DISP1: variants seen among roughly 807,000 people sequenced by gnomAD.
The protein encoded by DISP1 is protein dispatched homolog 1.
DISP1 carries 30 observed loss-of-function variants against 37.3 expected under a neutral mutation model. That is an observed-to-expected ratio of 0.80 (90% CI 0.60 to 1.09). The LOEUF is 1.09. Ranked by LOEUF, DISP1 falls within the 50% of genes least tolerant of loss-of-function variation. DISP1 has a pLI of 0.00. For synonymous variants in DISP1, 634 were observed against 690.2 expected, an observed-to-expected ratio of 0.92 and a Z score of 1.28; for missense variants, 1,598 against 1,879.5, an observed-to-expected ratio of 0.85 and a Z score of 2.77.
rs771868499 is a variant in DISP1 at position 223,005,008 on chromosome 1, C to A, written c.3611C>A (p.Ala1204Asp). ...CCTCTGGCTTCCCACAGCTGCACTG[C>A]CCCTGAGAAGACCACTTATGAAGAG... Reference protein sequence around the residue: ...LEPLASHSCTAPEKTTYEETH... With the variant: ...LEPLASHSCTDPEKTTYEETH... The change falls in exon 9 of 9, where the codon GCC (alanine) becomes GAC (aspartate). Residue 1204 changes from alanine to aspartate, a missense_variant. Physicochemically the swap from Ala to Asp is moderately radical, Grantham distance 126. Transcript: ENST00000675850. 6.2e-7 allele frequency: 1 copy of A among 1,614,176 alleles called. No individual in the cohort carries two copies. The highest frequency in any genetic ancestry group is 2.2e-5 in the East Asian group (1 of 44,874).
intron 1 of DISP1, among the ~76,000 whole-genome samples, chr1:222,820,279 T>A (rs1662505369): frequency 6.6e-6 from 1 of 152,162 alleles, no homozygotes; most frequent in Admixed American, 6.5e-5. Flanking sequence ...AGTAGATATA[T>A]CATAAAATAT....
intron 1 of DISP1, among the ~76,000 whole-genome samples, chr1:222,865,197 A>T (rs954366871): frequency 1.3e-5 from 2 of 152,068 alleles, no homozygotes; most frequent in Non-Finnish European, 2.9e-5. Context: ...TAGTTACCTA[A>T]ATTATGTTAA....
chr1:222,987,833 C>T (rs1329655089), intron 4 of DISP1, among the ~76,000 whole-genome samples: 1 of 152,102 alleles, frequency 6.6e-6, no homozygotes, highest in Non-Finnish European at 1.5e-5. Context: ...AGCCTGGGGC[C>T]ATTTTCATTT....
chr1:222,950,990 A>T (rs1018896405), intron 3 of DISP1, among the ~76,000 whole-genome samples: 1 of 152,204 alleles, frequency 6.6e-6, no homozygotes, highest in Non-Finnish European at 1.5e-5. Context: ...AATGCCACAG[A>T]CTCATTATCA....
intron 1 of DISP1, among the ~76,000 whole-genome samples, chr1:222,876,973 A>C (rs1018058647): frequency 1.3e-5 from 2 of 152,212 alleles, no homozygotes; most frequent in Admixed American, 1.3e-4. Flanking sequence ...GAAATATTGC[A>C]CGCAAATTAA....
chr1:222,845,054 AG>A (rs1346497548), intron 1 of DISP1, among the ~76,000 whole-genome samples: 1 of 152,210 alleles, frequency 6.6e-6, no homozygotes, highest in African/African-American at 2.4e-5. Flanking sequence ...TAGTTTATTA[AG>A]GTAAAATGAC....
chr1:222,982,590 ATAT>A (rs1677914248), intron 3 of DISP1, among the ~76,000 whole-genome samples: 1 of 152,206 alleles, frequency 6.6e-6, no homozygotes, highest in South Asian at 2.1e-4. Context: ...GTGAAGTTAG[ATAT>A]TAAGAAACTG....
intron 1 of DISP1, among the ~76,000 whole-genome samples, chr1:222,818,231 A>G (rs1159832850): frequency 1.3e-5 from 2 of 152,182 alleles, no homozygotes; most frequent in African/African-American, 2.4e-5. Context: ...TGGAAAGAGT[A>G]TTTTAGCACT....
intron 3 of DISP1, among the ~76,000 whole-genome samples, chr1:222,955,965 G>T (rs967179040): frequency 6.6e-6 from 1 of 152,204 alleles, no homozygotes; most frequent in South Asian, 2.1e-4. Context: ...AATGGTACAG[G>T]GTTGTAATAG....
chr1:222,873,783 A>G (rs1339670407), intron 1 of DISP1, among the ~76,000 whole-genome samples: 1 of 152,126 alleles, frequency 6.6e-6, no homozygotes, highest in Non-Finnish European at 1.5e-5. Context: ...TTCTAAGGTT[A>G]GTATTGTTAT....
At chr1:222,870,114 T>G (rs776440443) in intron 1 of DISP1, among the ~76,000 whole-genome samples, 17 of 152,240 alleles carry the variant, frequency 1.1e-4, no homozygotes, top group African/African-American at 3.6e-4. Flanking sequence ...ACAAAGGACA[T>G]GAACTCACCA....
In DISP1 at chr1:222,991,624, A is replaced by G. The variant is rs755562541; in HGVS notation, c.768A>G (p.Lys256=). ...YKATLANYPF[K]YADEQAKSHR... Reference sequence around the variant, plus strand: ...CAACATTAGCAAATTATCCCTTTAAATATGCAGATGAACAAGCCAAAAGGT... The same window carrying G: ...CAACATTAGCAAATTATCCCTTTAAGTATGCAGATGAACAAGCCAAAAGGT... The change falls in exon 6 of 9, where the codon AAA becomes AAG. Residue 256 remains lysine (K), a synonymous_variant. Transcript: ENST00000675850. 5 of 1,613,562 alleles carry G rather than the reference A, an allele frequency of 3.1e-6. 1 individual carries two copies. In the South Asian group the frequency reaches 3.3e-5, roughly 11 times the overall value.
rs144630088 is a variant in DISP1, at chr1:222,960,210, A to G, written c.509+16878A>G. Among the ~76,000 whole-genome samples, 431 of 152,322 alleles carry G rather than the reference A, an allele frequency of 2.8e-3. 2 individuals carry two copies. Among genetic ancestry groups the G allele is most frequent in the African/African-American group, 0.01 (416 of 41,566 alleles). ...CCACATGGCACTTTTTCTAAAATCG[A>G]CCACATAGTTGGAAGTAAAACGCTC... is the stretch of plus-strand genomic sequence containing the variant. On this transcript the variant is annotated intron_variant, in intron 3 of 8. Coordinates refer to ENST00000675850, the MANE Select transcript of DISP1 (RefSeq NM_001377229.1).
Position 223,003,736 on chromosome 1 carries a change from G to A in DISP1, c.2339G>A (p.Gly780Asp). 6.2e-7 allele frequency: 1 copy of A among 1,614,138 alleles called. No individual in the cohort carries two copies. The highest frequency in any genetic ancestry group is 8.5e-7 in the Non-Finnish European group (1 of 1,180,038). The change falls in exon 9 of 9, where the codon GGC becomes GAC. Residue 780 changes from glycine to aspartate, a missense_variant. Transcript: ENST00000675850. This position sits in a 1 kb window ranked among gnomAD's most constrained non-coding sequence, Gnocchi z 4.3. ...KLFMFERVHHGEELHMPITVI... is the reference protein window; with the variant it reads ...KLFMFERVHHDEELHMPITVI... ...TTCATGTTTGAACGTGTTCACCATGGCGAGGAGCTCCACATGCCCATCACA... is the reference window on the plus strand; with the variant it reads ...TTCATGTTTGAACGTGTTCACCATGACGAGGAGCTCCACATGCCCATCACA...
rs367730334 is a variant in DISP1, at chr1:223,004,565, T to C, written c.3168T>C (p.Tyr1056=). The part of the protein sequence containing the change: ...VGLSVDFAVH[Y]GVAYRLAPDP... ...TGTCTGTAGACTTTGCCGTCCATTA[T>C]GGGGTTGCCTACCGCTTGGCTCCAG... Residue 1056 remains tyrosine, a synonymous_variant, in exon 9 of 9, where the codon TAT becomes TAC. Transcript: ENST00000675850. The surrounding 1 kb of genome is among the most constrained non-coding windows in gnomAD (Gnocchi z 4.9). 128 of 1,614,108 alleles carry C rather than the reference T, an allele frequency of 7.9e-5. No individual in the cohort carries two copies. The highest frequency in any genetic ancestry group is 1.1e-4 in the Non-Finnish European group (126 of 1,180,046).
intron 1 of DISP1, among the ~76,000 whole-genome samples, chr1:222,862,817 C>T (rs115856621): frequency 0.088 from 13,404 of 152,186 alleles, 641 homozygotes; most frequent in Non-Finnish European, 0.11. Flanking sequence ...TAGTGTGAGC[C>T]ACCGTGCTCA....
chr1:222,974,669 GT>G (rs1558062342), intron 3 of DISP1, among the ~76,000 whole-genome samples: 1 of 152,058 alleles, frequency 6.6e-6, no homozygotes, highest in Non-Finnish European at 1.5e-5. Context: ...AGTAGTTGTG[GT>G]TTTTGTTATC....
intron 2 of DISP1, among the ~76,000 whole-genome samples, chr1:222,936,718 C>T (rs1281736841): frequency 1.1e-5 from 1 of 94,744 alleles, no homozygotes; most frequent in African/African-American, 4.3e-5. Context: ...TATTATATAT[C>T]ATATATATGA....
chr1:222,855,593 A>T (rs1283147446), intron 1 of DISP1, among the ~76,000 whole-genome samples: 1 of 152,180 alleles, frequency 6.6e-6, no homozygotes, highest in Non-Finnish European at 1.5e-5. Flanking sequence ...CCAATTCTTC[A>T]TTATACCAGC....
Sources: allele counts gnomAD v4.1 joint callset (sites outside exome capture counted in the v4.1 genomes callset), GRCh38; gene constraint gnomAD v4.1.1; non-coding constraint Gnocchi (gnomAD v3.1); transcripts MANE v1.5; gene names NCBI Gene and HGNC (gene_info 2026-07-23, HGNC 2026-07-21).